RBFOX3: variants seen among roughly 807,000 people sequenced by gnomAD.
RBFOX3 encodes the protein RNA binding fox-1 homolog 3.
In RBFOX3, 17 loss-of-function variants were observed where a neutral mutation model predicts 48.7. The ratio of observed to expected loss-of-function variants is 0.35; its 90% CI spans 0.24 to 0.52. The LOEUF (loss-of-function observed/expected upper bound fraction) is 0.52, where lower values mean the gene tolerates loss of function less well. Among genes scored for constraint, RBFOX3 ranks in the 20% least tolerant of loss-of-function variants. The pLI is 0.94. For synonymous variants in RBFOX3, 212 were observed against 209.5 expected (o/e 1.01, Z -0.10); for missense variants, 382 against 497.5 (o/e 0.77, Z 2.21).
At chr17:79,431,274 C>T (rs1243253726) in intron 2 of RBFOX3, among the ~76,000 whole-genome samples, 2 of 152,188 alleles carry the variant, frequency 1.3e-5, no homozygotes, top group East Asian at 3.9e-4. Context: ...AACCATTGTT[C>T]CTAGGGGAAA....
At chr17:79,657,818 G>A in the RBFOX3 span, among the ~76,000 whole-genome samples, 7 of 152,336 alleles carry the variant, frequency 4.6e-5, no homozygotes, top group East Asian at 1.4e-3. Flanking sequence ...CATCTGCCAA[G>A]CAATGAACAC....
At chr17:79,095,377 C>T in intron 13 of RBFOX3, 136 bp downstream of exon 13, 1 of 708,912 alleles carries the variant, frequency 1.4e-6, no homozygotes, top group Non-Finnish European at 2.3e-6. Flanking sequence ...CAGACCTGCT[C>T]CCCTGTCCCG....
At chr17:79,659,091 G>A in the RBFOX3 span, among the ~76,000 whole-genome samples, 39 of 152,228 alleles carry the variant, frequency 2.6e-4, no homozygotes, top group African/African-American at 7.7e-4. Context: ...TCCTACTGAC[G>A]TGAGTGGCCG....
At chr17:79,619,827 C>T in the RBFOX3 span, among the ~76,000 whole-genome samples, 1 of 152,174 alleles carries the variant, frequency 6.6e-6, no homozygotes, top group South Asian at 2.1e-4. Flanking sequence ...GGGGAGCCTC[C>T]TCTACTGGAA....
chr17:79,553,721 G>T (rs959026526), intron 1 of RBFOX3, among the ~76,000 whole-genome samples: 1 of 151,628 alleles, frequency 6.6e-6, no homozygotes, highest in Non-Finnish European at 1.5e-5. Flanking sequence ...GGGTTTTTTT[G>T]TTTGTTTGTT....
intron 2 of RBFOX3, among the ~76,000 whole-genome samples, chr17:79,350,987 AG>A (rs2083828586): frequency 6.6e-6 from 1 of 152,092 alleles, no homozygotes; most frequent in South Asian, 2.1e-4. Context: ...TGCCTTCTCT[AG>A]GGACCTTATG....
chr17:79,609,565 G>A (rs2093922448), intron 1 of RBFOX3, among the ~76,000 whole-genome samples: 1 of 152,194 alleles, frequency 6.6e-6, no homozygotes, highest in African/African-American at 2.4e-5. Flanking sequence ...AAGCTGGAAC[G>A]GAAAGGGGAG....
At position 79,294,040 on chromosome 17, in the gene RBFOX3, A is replaced by G. The variant is rs191921034; in HGVS notation, c.-74+13684T>C. Among the ~76,000 whole-genome samples the G allele has an allele frequency of 1.1e-4, 16 of 152,342 alleles. No homozygotes were observed. The East Asian group carries it at 2.9e-3, about 28-fold the overall frequency. ...CACCTGTCCGACTTCCAGAGCAGGT[A>G]CAGATTCATACAGAGCAGGTGCAGA... On this transcript the variant is annotated intron_variant, in intron 3 of 14. Transcript: ENST00000693108.
intron 1 of RBFOX3, among the ~76,000 whole-genome samples, chr17:79,596,088 T>C (rs2093561545): frequency 6.6e-6 from 1 of 152,036 alleles, no homozygotes; most frequent in African/African-American, 2.4e-5. Flanking sequence ...TCTTATCTAC[T>C]CCTCATTCCA....
chr17:79,266,379 C>G (rs1046235300), intron 3 of RBFOX3, among the ~76,000 whole-genome samples: 4 of 152,204 alleles, frequency 2.6e-5, no homozygotes, highest in Non-Finnish European at 5.9e-5. Context: ...AGTCAGTGCT[C>G]CGCCCGCCCA....
At chr17:79,430,458 A>C (rs185674984) in intron 2 of RBFOX3, among the ~76,000 whole-genome samples, 154 of 152,312 alleles carry the variant, frequency 1.0e-3, no homozygotes, top group Admixed American at 6.0e-3. Context: ...TCTCTTAATC[A>C]GAAAGGTGAT....
At chr17:79,277,955 C>A (rs2069310027) in intron 3 of RBFOX3, among the ~76,000 whole-genome samples, 1 of 152,212 alleles carries the variant, frequency 6.6e-6, no homozygotes, top group East Asian at 1.9e-4. Flanking sequence ...ATCCCAAGAG[C>A]TTTACAGGCA....
intron 1 of RBFOX3, among the ~76,000 whole-genome samples, chr17:79,576,924 C>T (rs2144695842): frequency 6.6e-6 from 1 of 152,296 alleles, no homozygotes; most frequent in Non-Finnish European, 1.5e-5. Flanking sequence ...TCCCACCTGG[C>T]TATGGCTTGA....
At chr17:79,612,080 G>A (rs2093973882), upstream of RBFOX3, among the ~76,000 whole-genome samples, 2 of 152,146 alleles carry the variant, frequency 1.3e-5, no homozygotes, top group South Asian at 4.2e-4. Flanking sequence ...TCTATTGCTG[G>A]GGTCAGCCCA....
upstream of RBFOX3, among the ~76,000 whole-genome samples, chr17:79,611,196 T>C (rs2093966295): frequency 1.6e-5 from 2 of 123,016 alleles, no homozygotes; most frequent in East Asian, 2.3e-4. Context: ...TCTCTCTCTC[T>C]CTCTCTCTCT....
intron 4 of RBFOX3, among the ~76,000 whole-genome samples, chr17:79,138,858 ACGCCCCCTCT>A (rs1324185430): frequency 2.4e-5 from 2 of 84,130 alleles, no homozygotes; most frequent in African/African-American, 5.0e-5. Context: ...ACATGCATTC[ACGCCCCCTCT>A]CACCCACACA....
At chr17:79,222,854 G>A (rs2059894697) in intron 4 of RBFOX3, among the ~76,000 whole-genome samples, 1 of 152,200 alleles carries the variant, frequency 6.6e-6, no homozygotes, top group Non-Finnish European at 1.5e-5. Context: ...GGCATGGGCT[G>A]GGTTGCTCTT....
the RBFOX3 span, among the ~76,000 whole-genome samples, chr17:79,656,749 A>AGG: frequency 3.9e-5 from 2 of 51,928 alleles, no homozygotes; most frequent in African/African-American, 6.0e-5. Context: ...AAAGAAAGAA[A>AGG]GAAGGAAGGA....
At chr17:79,621,077 C>G in the RBFOX3 span, among the ~76,000 whole-genome samples, 1 of 151,304 alleles carries the variant, frequency 6.6e-6, no homozygotes, top group African/African-American at 2.4e-5. Flanking sequence ...CAGCTCACTG[C>G]AAGCTCCACC....
Sources: gnomAD v4.1 joint callset for allele counts (sites outside exome capture counted in the v4.1 genomes callset) on GRCh38, gnomAD v4.1.1 for gene constraint, MANE v1.5 for transcripts, NCBI Gene and HGNC (gene_info 2026-07-23, HGNC 2026-07-21) for gene names.